Variants in IPO9 observed in about 807,000 individuals in gnomAD.
IPO9 encodes importin 9.
In IPO9, 28 loss-of-function variants were observed where a neutral mutation model predicts 128.6. The ratio of observed to expected loss-of-function variants is 0.22; its 90% CI spans 0.16 to 0.30. The LOEUF (loss-of-function observed/expected upper bound fraction) is 0.30, where lower values mean the gene tolerates loss of function less well. Among genes scored for constraint, IPO9 ranks in the 10% least tolerant of loss-of-function variants. IPO9 has a pLI of 1.00. For synonymous variants in IPO9, 455 were observed against 475.8 expected, an observed-to-expected ratio of 0.96 and a Z score of 0.57; for missense variants, 935 against 1,293.9, an observed-to-expected ratio of 0.72 and a Z score of 4.26.
chr1:201,880,548 C>T lies in IPO9; in HGVS notation c.*4494C>T, dbSNP rs137922123. On this transcript the variant is annotated 3_prime_UTR_variant, in exon 24 of 24. Transcript: ENST00000361565. ...GTGAAATACATACTATACTTTTGCA[C>T]CCCAGCTAAGCTGACCCATGATCAG... 7 of 152,328 alleles carry T rather than the reference C, an allele frequency of 4.6e-5. No homozygotes were observed. The highest frequency in any genetic ancestry group is 1.9e-4 in the East Asian group (1 of 5,184). 9.4% of individuals were successfully genotyped at this position (152,328 alleles called of 1,614,324 possible). A position where few individuals can be genotyped will look rare whatever the true frequency, so the allele number is the denominator to read the frequency against.
chr1:201,874,559 C>CT (rs1377264471), intron 21 of IPO9, among the ~76,000 whole-genome samples, 187 bp downstream of exon 21: 1 of 152,214 alleles, frequency 6.6e-6, no homozygotes, highest in African/African-American at 2.4e-5. Flanking sequence ...CATATGAAAT[C>CT]TCACAGAGGC....
rs2271764 is a variant in IPO9 at position 201,874,929 on chromosome 1, T to C, written c.2931T>C (p.Ser977=). ...GQLLSDILAT[S]KYEEDYYEDD... Reference sequence around the variant, plus strand: ...TTTTATCTGACATTCTTGCTACAAGTAAATATGGTAAGCTGTTTGATAAGA... The same window carrying C: ...TTTTATCTGACATTCTTGCTACAAGCAAATATGGTAAGCTGTTTGATAAGA... The change falls in exon 22 of 24, where the codon AGT becomes AGC. Residue 977 remains serine (S), a synonymous_variant. Transcript: ENST00000361565. 2,569 of 1,605,076 alleles carry C rather than the reference T, an allele frequency of 1.6e-3. 76 individuals are homozygous for C. In the East Asian group the frequency reaches 0.048, roughly 30 times the overall value.
chr1:201,871,119 G>T, intron 18 of IPO9, 42 bp from the exon 19 acceptor site: 1 of 1,596,696 alleles, frequency 6.3e-7, no homozygotes. Flanking sequence ...CTATGTCTCT[G>T]AAATTGATTT....
intron 17 of IPO9, among the ~76,000 whole-genome samples, chr1:201,869,987 G>A (rs1311213701): frequency 6.6e-6 from 1 of 152,196 alleles, no homozygotes; most frequent in Non-Finnish European, 1.5e-5. Context: ...CAGACATCTA[G>A]ACTTGGGGCC....
chr1:201,845,305 C>G (rs1475655408), intron 1 of IPO9, among the ~76,000 whole-genome samples: 5 of 152,194 alleles, frequency 3.3e-5, no homozygotes, highest in Admixed American at 3.3e-4. Flanking sequence ...CGTGAGCCAC[C>G]TTTCCCGGCC....
intron 23 of IPO9, 29 bp from the exon 24 acceptor site, chr1:201,875,915 A>T: frequency 2.1e-6 from 3 of 1,398,860 alleles, no homozygotes; most frequent in South Asian, 1.2e-5. Flanking sequence ...GCAATGTCTC[A>T]CTAATGCCAC....
intron 1 of IPO9, among the ~76,000 whole-genome samples, chr1:201,842,300 C>T (rs1449570589): frequency 1.3e-5 from 2 of 152,154 alleles, no homozygotes; most frequent in Non-Finnish European, 2.9e-5. Context: ...TGAAGAGATA[C>T]ATAGGATGAG....
chr1:201,871,407 GAGAC>G, intron 19 of IPO9, 80 bp downstream of exon 19: 1 of 567,698 alleles, frequency 1.8e-6, no homozygotes, highest in African/African-American at 6.0e-5. Context: ...TTTTTTTTTT[GAGAC>G]AGTCTCGCTC....
At chr1:201,853,342 C>T (rs1680258920) in intron 6 of IPO9, among the ~76,000 whole-genome samples, 1 of 147,836 alleles carries the variant, frequency 6.8e-6, no homozygotes, top group African/African-American at 2.5e-5. Context: ...TAAGTGATCC[C>T]CTGACCCCCA....
intron 1 of IPO9, among the ~76,000 whole-genome samples, chr1:201,841,091 C>G (rs894674326): frequency 2.0e-5 from 3 of 151,928 alleles, no homozygotes; most frequent in Non-Finnish European, 4.4e-5. Flanking sequence ...TAGGGAGGCA[C>G]TAAAAATGGA....
At chr1:201,869,141 C>T (rs1251667815) in intron 16 of IPO9, among the ~76,000 whole-genome samples, 1 of 152,172 alleles carries the variant, frequency 6.6e-6, no homozygotes, top group Non-Finnish European at 1.5e-5. Flanking sequence ...GTACCAGCTA[C>T]TCAAGAGGCT....
At chr1:201,844,232 T>C (rs1397426383) in intron 1 of IPO9, among the ~76,000 whole-genome samples, 4 of 152,188 alleles carry the variant, frequency 2.6e-5, no homozygotes, top group African/African-American at 9.7e-5. Context: ...ATAAAATTTT[T>C]ATCAACATTA....
intron 16 of IPO9, 52 bp downstream of exon 16, chr1:201,868,848 C>A: frequency 6.5e-7 from 1 of 1,529,708 alleles, no homozygotes; most frequent in South Asian, 1.2e-5. Flanking sequence ...CTACAAGTGC[C>A]ACCCACAGAT....
At chr1:201,847,214 A>C in intron 1 of IPO9, 65 bp from the exon 2 acceptor site, 5 of 1,153,402 alleles carry the variant, frequency 4.3e-6, no homozygotes, top group African/African-American at 3.0e-5. Context: ...CATCAGGGTT[A>C]GAGCTTAGTA....
At chr1:201,836,192 C>CT (rs748085463) in intron 1 of IPO9, among the ~76,000 whole-genome samples, 412 of 145,588 alleles carry the variant, frequency 2.8e-3, no homozygotes, top group Admixed American at 5.5e-3. Context: ...CACACACGTA[C>CT]TTTTTTTTTA....
At position 201,858,481 on chromosome 1, in the gene IPO9, C is replaced by G; in HGVS notation, c.1256C>G (p.Ala419Gly). The G allele has an allele frequency of 6.3e-7, 1 of 1,588,408 alleles. No homozygotes were observed. Among genetic ancestry groups the G allele is most frequent in the Non-Finnish European group, 8.5e-7 (1 of 1,169,798 alleles). ...ACAGATTTCCAGAATGAAAGTGCAG[C>G]AGCCCTGGCTGCTGCAGCCACTCGA... ...VATDFQNESA[A>G]ALAAAATRHL... The change falls in exon 12 of 24, where the codon GCA (alanine) becomes GGA (glycine). Residue 419 changes from alanine (A) to glycine (G), a missense_variant. Ala to Gly is a moderately conservative substitution (Grantham distance 60). Around this residue, in one of 3 missense-constraint regions of IPO9, gnomAD observed 741 missense variants for 1,019.1 expected, o/e 0.73. Coordinates refer to ENST00000361565, the MANE Select transcript of IPO9 (RefSeq NM_018085.5).
chr1:201,851,277 A>G (rs765311019), intron 4 of IPO9, among the ~76,000 whole-genome samples: 9 of 150,676 alleles, frequency 6.0e-5, no homozygotes, highest in Non-Finnish European at 8.8e-5. Flanking sequence ...TCAACCTCCC[A>G]AAGCTCTGGG....
chr1:201,845,598 A>G (rs1680112177), intron 1 of IPO9, among the ~76,000 whole-genome samples: 1 of 152,244 alleles, frequency 6.6e-6, no homozygotes, highest in Non-Finnish European at 1.5e-5. Context: ...TCTAGTGGCT[A>G]CATTAAAAAG....
At chr1:201,842,905 C>G (rs1029374613) in intron 1 of IPO9, among the ~76,000 whole-genome samples, 1 of 152,188 alleles carries the variant, frequency 6.6e-6, no homozygotes. Context: ...AGCTAAGAAG[C>G]AATGTCATCT....
Sources: gnomAD v4.1 joint callset for allele counts (sites outside exome capture counted in the v4.1 genomes callset) on GRCh38, gnomAD v4.1.1 for gene constraint, gnomAD v4.1.1 regional missense constraint, MANE v1.5 for transcripts, NCBI Gene and HGNC (gene_info 2026-07-23, HGNC 2026-07-21) for gene names.